HDAC7: variants seen among roughly 807,000 people sequenced by gnomAD.
The protein encoded by HDAC7 is histone deacetylase 7.
In HDAC7, 26 loss-of-function variants were observed where a neutral mutation model predicts 115.5. The observed-to-expected ratio is 0.23, with a 90% confidence interval of 0.16 to 0.31. The LOEUF is 0.31. Among genes scored for constraint, HDAC7 ranks in the 10% least tolerant of loss-of-function variants. The pLI, the probability that HDAC7 is intolerant of heterozygous loss-of-function variation, is 1.00. For synonymous variants in HDAC7, 564 were observed against 550.9 expected, an observed-to-expected ratio of 1.02 and a Z score of -0.33; for missense variants, 1,068 against 1,329.0, an observed-to-expected ratio of 0.80 and a Z score of 3.05.
rs1943346036 is a variant in HDAC7, at chr12:47,789,243, C to T, written c.2235+18G>A. On this transcript the variant is annotated intron_variant, in intron 19 of 25. Coordinates refer to ENST00000080059, the MANE Select transcript of HDAC7 (RefSeq NM_015401.5). ...CCCAGGGCTCTCGAATTGGAGGGTG[C>T]TACGGACAGGCACCTACCCAGTCTA... The T allele has an allele frequency of 1.9e-6, 3 of 1,598,404 alleles. No individual in the cohort carries two copies. The highest frequency in any genetic ancestry group is 2.2e-5 in the East Asian group (1 of 44,770).
At chr12:47,801,861 G>A (rs1316898185) in intron 2 of HDAC7, among the ~76,000 whole-genome samples, 1 of 151,798 alleles carries the variant, frequency 6.6e-6, no homozygotes, top group African/African-American at 2.4e-5. Flanking sequence ...TTGCAGAGCC[G>A]GTGTGAGGAC....
Position 47,797,291 on chromosome 12 carries a change from G to GGCCCCCCCCC in HDAC7, c.577+92_577+93insGGGGGGGGGC. The stretch of plus-strand genomic sequence containing the variant: ...AGCCTACCGATGATCTCCTGGCCCA[G>GGCCCCCCCCC]CCCAGCCCGCCCACCCCTGCACACT... On this transcript the variant is annotated intron_variant, in intron 6 of 25. Transcript: ENST00000080059. This position sits in a 1 kb window ranked among gnomAD's most constrained non-coding sequence, Gnocchi z 5.5. 7.5e-6 allele frequency: 10 copies of GGCCCCCCCCC among 1,336,126 alleles called. No homozygotes were observed. Among genetic ancestry groups the GGCCCCCCCCC allele is most frequent in the South Asian group, 1.2e-5 (1 of 81,380 alleles). 82.8% of individuals were successfully genotyped at this position (1,336,126 alleles called of 1,614,324 possible).
rs1272687466 is a variant in HDAC7, at chr12:47,787,821, G to T, written c.2356-12C>A. ...CTGCCAGCCCCTACCTGGAAAACAG[G>T]AGGCAAGAGAGACATGAGGACAGCA... On this transcript the variant is annotated splice_polypyrimidine_tract_variant and intron_variant, in intron 20 of 25. Transcript: ENST00000080059. The T allele has an allele frequency of 1.2e-6, 2 of 1,607,644 alleles. No homozygotes were observed. Among genetic ancestry groups the T allele is most frequent in the East Asian group, 2.2e-5 (1 of 44,734 alleles).
chr12:47,804,302 G>A (rs1014205342), intron 1 of HDAC7, among the ~76,000 whole-genome samples: 14 of 152,130 alleles, frequency 9.2e-5, no homozygotes, highest in Admixed American at 5.9e-4. Context: ...CCGTGCTGAG[G>A]GCCATCAAGT....
chr12:47,817,118 G>A (rs1944872571), intron 1 of HDAC7, among the ~76,000 whole-genome samples: 1 of 152,206 alleles, frequency 6.6e-6, no homozygotes, highest in Admixed American at 6.5e-5. Flanking sequence ...ATATTACAAG[G>A]AAACACAATA....
intron 1 of HDAC7, among the ~76,000 whole-genome samples, chr12:47,805,290 C>A (rs1944352263): frequency 6.6e-6 from 1 of 151,930 alleles, no homozygotes; most frequent in Admixed American, 6.6e-5. Flanking sequence ...AAGTCTTCCC[C>A]TGTTGCCCAG....
chr12:47,785,392 A>G lies in HDAC7; in HGVS notation c.2786T>C (p.Val929Ala). ...AIRSLEAVIRVHSKYWGCMQR... is the reference protein window; with the variant it reads ...AIRSLEAVIRAHSKYWGCMQR... ...TGTCCCATCTCCACACTTACTGTGC[A>G]CCCGGATCACGGCCTCCAGAGAGCG... Residue 929 changes from valine (V) to alanine (A), a missense_variant, in exon 24 of 26, where the codon GTG becomes GCG. Val to Ala is a moderately conservative substitution (Grantham distance 64). This residue lies in a region of HDAC7 where 98 missense variants were observed against 123.9 expected (regional missense o/e 0.79). Coordinates refer to ENST00000080059, the MANE Select transcript of HDAC7 (RefSeq NM_015401.5). The G allele has an allele frequency of 6.2e-7, 1 of 1,608,870 alleles. No individual in the cohort carries two copies. Among genetic ancestry groups the G allele is most frequent in the Non-Finnish European group, 8.5e-7 (1 of 1,177,728 alleles).
In HDAC7 at chr12:47,798,128, G is replaced by A. The variant is rs949140600; in HGVS notation, c.441C>T (p.Asn147=). The A allele has an allele frequency of 6.2e-6, 10 of 1,613,690 alleles. No homozygotes were observed. The highest frequency in any genetic ancestry group is 1.6e-4 in the Middle Eastern group (1 of 6,062). The change falls in exon 5 of 26, where the codon AAC becomes AAT. Residue 147 remains asparagine (N), a synonymous_variant. Coordinates refer to ENST00000080059, the MANE Select transcript of HDAC7 (RefSeq NM_015401.5). This position sits in a 1 kb window ranked among gnomAD's most constrained non-coding sequence, Gnocchi z 4.3. The part of the protein sequence containing the change: ...QAALERTVHP[N]SPGIPYRTLE... Reference sequence around the variant, plus strand: ...GTTACCTGTAGGGAATGCCGGGGCTGTTGGGATGGACTGTTCTTTCTAGGG... The same window carrying A: ...GTTACCTGTAGGGAATGCCGGGGCTATTGGGATGGACTGTTCTTTCTAGGG...
Position 47,819,745 on chromosome 12 carries a change from GGGGC to G in HDAC7, c.19+18_19+21del. 1.2e-6 allele frequency: 1 copy of G among 819,118 alleles called. No homozygotes were observed. Among genetic ancestry groups the G allele is most frequent in the Non-Finnish European group, 1.5e-6 (1 of 667,922 alleles). 50.7% of individuals were successfully genotyped at this position (819,118 alleles called of 1,614,324 possible). Reference sequence around the variant, plus strand: ...GGGTGCCGCGCGCAGGGCGGGGCGGGGGGCGGCCGCCCAGTACTCACCAGCGCCG... The same window carrying G: ...GGGTGCCGCGCGCAGGGCGGGGCGGGGGCCGCCCAGTACTCACCAGCGCCG... On this transcript the variant is annotated intron_variant, in intron 1 of 25. Coordinates refer to ENST00000080059, the MANE Select transcript of HDAC7 (RefSeq NM_015401.5).
At chr12:47,796,365 G>T (rs775243434) in intron 7 of HDAC7, 67 bp from the exon 8 acceptor site, 2 of 1,191,938 alleles carry the variant, frequency 1.7e-6, no homozygotes, top group African/African-American at 1.5e-5. Flanking sequence ...CAGCCAGGCC[G>T]CCTGGTGCAG....
At position 47,795,258 on chromosome 12, in the gene HDAC7, C is replaced by T; in HGVS notation, c.1210G>A (p.Ala404Thr). 6.2e-7 allele frequency: 1 copy of T among 1,611,850 alleles called. No homozygotes were observed. Among genetic ancestry groups the T allele is most frequent in the Non-Finnish European group, 8.5e-7 (1 of 1,178,590 alleles). The change falls in exon 11 of 26, where the codon GCC becomes ACC. Residue 404 changes from alanine (A) to threonine (T), a missense_variant. Coordinates refer to ENST00000080059, the MANE Select transcript of HDAC7 (RefSeq NM_015401.5). This position sits in a 1 kb window ranked among gnomAD's most constrained non-coding sequence, Gnocchi z 4.3. ...GGGCCCGGCGGTGGGGGAGCGGTGG[C>T]ACTGGGGGGCAGGGGCTCTGAGCGA... ...RTRSEPLPPS[A>T]TAPPPPGPMQ...
At chr12:47,792,491 TG>T (rs1200025435) in intron 13 of HDAC7, 2 of 370,758 alleles carry the variant, frequency 5.4e-6, no homozygotes, top group Non-Finnish European at 1.1e-5. Context: ...CACTGGACCA[TG>T]TGATAGACAA....
intron 24 of HDAC7, 93 bp from the exon 25 acceptor site, chr12:47,784,310 C>G: frequency 1.4e-6 from 2 of 1,395,700 alleles, no homozygotes; most frequent in Non-Finnish European, 1.9e-6. Flanking sequence ...GTCTCAGGCC[C>G]AGGGCCCCGG....
rs151069610 is a variant in HDAC7, at chr12:47,794,886, C to A, written c.1332G>T (p.Ser444=). ...CGCCATCTGTCTCCAGGTCTTCAGC[C>A]GAGGGTATCTGCCGCAGCCGGGGCT... The part of the protein sequence containing the change: ...SEKPRLRQIP[S]AEDLETDGGG... Residue 444 remains serine (S), a synonymous_variant, in exon 12 of 26, where the codon TCG becomes TCT. Coordinates refer to ENST00000080059, the MANE Select transcript of HDAC7 (RefSeq NM_015401.5). 1.2e-6 allele frequency: 2 copies of A among 1,613,422 alleles called. No homozygotes were observed. The highest frequency in any genetic ancestry group is 2.2e-5 in the South Asian group (2 of 91,086).
In HDAC7 at chr12:47,797,855, GGTGTGTGTGTGT is replaced by G. The variant is rs373121556; in HGVS notation, c.461+241_461+252del. On this transcript the variant is annotated intron_variant, in intron 5 of 25. Transcript: ENST00000080059. This position sits in a 1 kb window ranked among gnomAD's most constrained non-coding sequence, Gnocchi z 5.5. The stretch of plus-strand genomic sequence containing the variant: ...TCATGTGCAAGAAAAAAGCCAGTAG[GGTGTGTGTGTGT>G]GTGTGTGTGTGTGTGTGTGTGTGTG... 2.6e-4 allele frequency among the ~76,000 whole-genome samples: 32 copies of G among 123,942 alleles called. 1 individual carries two copies. The highest frequency in any genetic ancestry group is 2.0e-3 in the East Asian group (9 of 4,560). The allele number at this position is 123,942 out of a possible 152,430, so 81.3% of individuals were successfully genotyped here. A position where few individuals can be genotyped will look rare whatever the true frequency, so the allele number is the denominator to read the frequency against.
In HDAC7 at chr12:47,798,801, G is replaced by C; in HGVS notation, c.242C>G (p.Ser81Trp). Residue 81 changes from serine to tryptophan, a missense_variant, in exon 3 of 26, where the codon TCG (serine) becomes TGG (tryptophan). Coordinates refer to ENST00000080059, the MANE Select transcript of HDAC7 (RefSeq NM_015401.5). The surrounding 1 kb of genome is among the most constrained non-coding windows in gnomAD (Gnocchi z 4.3). ...LFLAGLQQQR[S>W]VEPMRLSMDT... ...CATCTTTACCCTCATGGGCTCCACC[G>C]AGCGCTGCTGCTGCAGGCCTGCTAG... The C allele has an allele frequency of 6.4e-7, 1 of 1,557,306 alleles. No individual in the cohort carries two copies. The highest frequency in any genetic ancestry group is 8.7e-7 in the Non-Finnish European group (1 of 1,150,030).
chr12:47,808,149 C>T (rs1265056451), intron 1 of HDAC7, among the ~76,000 whole-genome samples: 2 of 152,226 alleles, frequency 1.3e-5, no homozygotes, highest in Non-Finnish European at 2.9e-5. Context: ...ATGCCTCTTT[C>T]TCCGCCACCT....
rs752246993 is a variant in HDAC7 at position 47,791,906 on chromosome 12, G to A, written c.1777C>T (p.Arg593Trp). ...HAGRIQSIWS[R>W]LQERGLRSQC... ...CTCCGGAGCCCCCGCTCCTGCAGCC[G>A]GGACCAGATGCTCTGGATGCGGCCG... Residue 593 changes from arginine (R) to tryptophan (W), a missense_variant, in exon 14 of 26, where the codon CGG becomes TGG. Arg to Trp is a moderately radical substitution (Grantham distance 101, BLOSUM62 -3). This residue lies in a region of HDAC7 where 618 missense variants were observed against 701.5 expected (regional missense o/e 0.88). Coordinates refer to ENST00000080059, the MANE Select transcript of HDAC7 (RefSeq NM_015401.5). 18 of 1,567,802 alleles carry A rather than the reference G, an allele frequency of 1.1e-5. No individual in the cohort carries two copies. Among genetic ancestry groups the A allele is most frequent in the Non-Finnish European group, 1.3e-5 (15 of 1,151,754 alleles).
chr12:47,804,289 G>A (rs1944294766), intron 1 of HDAC7, among the ~76,000 whole-genome samples: 1 of 152,170 alleles, frequency 6.6e-6, no homozygotes. Flanking sequence ...CCGCTCCCTG[G>A]CCCCGTGCTG....
Sources: allele counts gnomAD v4.1 joint callset (sites outside exome capture counted in the v4.1 genomes callset), GRCh38; gene constraint gnomAD v4.1.1; regional missense constraint gnomAD v4.1.1; non-coding constraint Gnocchi (gnomAD v3.1); transcripts MANE v1.5; gene names NCBI Gene and HGNC (gene_info 2026-07-23, HGNC 2026-07-21).